The following PACS1 variants were observed in gnomAD, a reference collection of about 807,000 sequenced individuals.
The protein encoded by PACS1 is PACS-1.
PACS1 carries 24 observed loss-of-function variants against 115.0 expected under a neutral mutation model. The observed-to-expected ratio is 0.21, with a 90% CI of 0.15 to 0.29. The LOEUF is 0.29. Ranked by LOEUF, PACS1 falls within the 10% of genes least tolerant of loss-of-function variation. PACS1 has a pLI of 1.00. For synonymous variants in PACS1, 453 were observed against 504.5 expected (o/e 0.90, Z 1.37); for missense variants, 838 against 1,251.2 (o/e 0.67, Z 4.98).
rs144037163 is a variant in PACS1, at chr11:66,240,169, C to T, written c.2429+892C>T. Among the ~76,000 whole-genome samples the T allele has an allele frequency of 4.8e-3, 729 of 152,372 alleles. 5 individuals carry two copies. Among genetic ancestry groups the T allele is most frequent in the African/African-American group, 0.016 (654 of 41,598 alleles). On this transcript the variant is annotated intron_variant, in intron 21 of 23. Transcript: ENST00000320580. ...CCCTGCTGAGGCGCTAGAGCTGGAG[C>T]CGGCGCGGGAGCAAGCGGCGGAGCT... is the stretch of plus-strand genomic sequence containing the variant.
intron 1 of PACS1, among the ~76,000 whole-genome samples, chr11:66,144,619 G>C (rs1859076991): frequency 6.6e-6 from 1 of 152,166 alleles, no homozygotes; most frequent in Admixed American, 6.5e-5. Context: ...AAGACAACTG[G>C]TGTGAAGTAT....
At chr11:66,107,520 G>A (rs1253578482) in intron 1 of PACS1, among the ~76,000 whole-genome samples, 1 of 152,134 alleles carries the variant, frequency 6.6e-6, no homozygotes, top group African/African-American at 2.4e-5. Flanking sequence ...TTTGTTCACT[G>A]TTCTATCCCC....
Position 66,232,176 on chromosome 11 carries a change from C to A in PACS1, c.1631C>A (p.Pro544Gln). 1 of 1,608,444 alleles carries A rather than the reference C, an allele frequency of 6.2e-7. No homozygotes were observed. The highest frequency in any genetic ancestry group is 8.5e-7 in the Non-Finnish European group (1 of 1,174,844). ...CACTTTCTTTTGTTCCTGCAGATTC[C>A]AAGAAAGGTGGTGTATGACCAGCTC... ...SPDLGHSTQI[P>Q]RKVVYDQLNQ... The change falls in exon 14 of 24, where the codon CCA becomes CAA. Residue 544 changes from proline to glutamine, a missense_variant. Pro to Gln is a moderately conservative substitution (Grantham distance 76). This residue lies in a region of PACS1 where 383 missense variants were observed against 537.0 expected (regional missense o/e 0.71). Transcript: ENST00000320580.
chr11:66,213,105 GC>G (rs1264509967), intron 4 of PACS1, among the ~76,000 whole-genome samples: 1 of 152,166 alleles, frequency 6.6e-6, no homozygotes, highest in African/African-American at 2.4e-5. Context: ...CGCTGCTTTG[GC>G]CTCCCAGAGT....
At chr11:66,133,099 C>G (rs375974391) in intron 1 of PACS1, among the ~76,000 whole-genome samples, 31 of 152,274 alleles carry the variant, frequency 2.0e-4, no homozygotes, top group Non-Finnish European at 2.6e-4. Context: ...TTTTCATGCT[C>G]TGTGTGTGCA....
intron 2 of PACS1, among the ~76,000 whole-genome samples, chr11:66,199,206 T>C (rs538219741): frequency 6.6e-6 from 1 of 151,834 alleles, no homozygotes; most frequent in Non-Finnish European, 1.5e-5. Context: ...TCCCAGCTAC[T>C]TGGGAGGCTA....
In PACS1 at chr11:66,073,009, C is replaced by T. The variant is rs191555045; in HGVS notation, c.356+2167C>T. On this transcript the variant is annotated intron_variant, in intron 1 of 23. Transcript: ENST00000320580. ...CCTGATCAAATGTATAATTATTATG[C>T]TAACTTGCTGTGAGAGGCTTAGGCG... is the stretch of plus-strand genomic sequence containing the variant. Among the ~76,000 whole-genome samples the T allele has an allele frequency of 1.2e-4, 18 of 152,336 alleles. No individual in the cohort carries two copies. The East Asian group carries it at 3.1e-3, about 26-fold the overall frequency.
chr11:66,238,720 T>A, intron 19 of PACS1, 84 bp from the exon 20 acceptor site: 1 of 1,227,826 alleles, frequency 8.1e-7, no homozygotes. Context: ...TGATGGCTCT[T>A]GTGCCACCAA....
At position 66,216,051 on chromosome 11, in the gene PACS1, A is replaced by G. The variant is rs548858; in HGVS notation, c.661-68A>G. 0.99 allele frequency: 1,525,666 copies of G among 1,533,554 alleles called. 759,209 individuals carry two copies. Among genetic ancestry groups the G allele is most frequent in the East Asian group, 1 (44,344 of 44,344 alleles). The allele number at this position is 1,533,554 out of a possible 1,614,324, so 95.0% of individuals were successfully genotyped here. On this transcript the variant is annotated intron_variant, in intron 4 of 23. Coordinates refer to ENST00000320580, the MANE Select transcript of PACS1 (RefSeq NM_018026.4). ...TGCTGTTGCCCCTGGGGTCTTGTGC[A>G]TTCCTTGGCTGTGTTTCTCCAGGTG...
intron 1 of PACS1, among the ~76,000 whole-genome samples, chr11:66,190,791 G>C (rs545933733): frequency 6.6e-6 from 1 of 152,346 alleles, no homozygotes; most frequent in East Asian, 1.9e-4. Context: ...AGGCGGTACT[G>C]TGGGCAGTCA....
At chr11:66,202,742 A>AAATATAT (rs1200930188) in intron 2 of PACS1, among the ~76,000 whole-genome samples, 2 of 71,604 alleles carry the variant, frequency 2.8e-5, no homozygotes, top group African/African-American at 7.9e-5. Flanking sequence ...AAAAAAAAAA[A>AAATATAT]ATATATATAT....
At chr11:66,230,352 G>A in intron 11 of PACS1, 196 bp from the exon 12 acceptor site, 1 of 588,612 alleles carries the variant, frequency 1.7e-6, no homozygotes, top group South Asian at 2.0e-5. Context: ...TGCCCACACG[G>A]GGTGTACTCA....
chr11:66,113,106 T>C (rs1421011805), intron 1 of PACS1, among the ~76,000 whole-genome samples: 1 of 152,232 alleles, frequency 6.6e-6, no homozygotes, highest in Non-Finnish European at 1.5e-5. Context: ...TTCTGTATCT[T>C]AAATATGGTG....
chr11:66,072,340 C>A (rs1245623709), intron 1 of PACS1, among the ~76,000 whole-genome samples: 3 of 152,096 alleles, frequency 2.0e-5, no homozygotes, highest in Non-Finnish European at 4.4e-5. Context: ...CACAGTAATG[C>A]ACACATTTCC....
chr11:66,175,889 T>G (rs903350903), intron 1 of PACS1, among the ~76,000 whole-genome samples: 2 of 152,186 alleles, frequency 1.3e-5, no homozygotes, highest in African/African-American at 4.8e-5. Context: ...TCTAAATGTT[T>G]CTCAGATTGA....
At chr11:66,158,465 G>C (rs1332339683) in intron 1 of PACS1, among the ~76,000 whole-genome samples, 1 of 152,180 alleles carries the variant, frequency 6.6e-6, no homozygotes, top group Non-Finnish European at 1.5e-5. Flanking sequence ...TGGGAGGCCA[G>C]TGTTGATGGC....
chr11:66,138,996 A>T (rs1858914511), intron 1 of PACS1, among the ~76,000 whole-genome samples: 1 of 152,010 alleles, frequency 6.6e-6, no homozygotes, highest in Admixed American at 6.6e-5. Flanking sequence ...CTGTATTTTT[A>T]AACAGGTTCC....
intron 1 of PACS1, among the ~76,000 whole-genome samples, chr11:66,135,725 C>G (rs1858825733): frequency 6.6e-6 from 1 of 150,852 alleles, no homozygotes; most frequent in Non-Finnish European, 1.5e-5. Flanking sequence ...GGTGCAATCT[C>G]AACTCAGTGC....
At chr11:66,108,772 AAGAG>A (rs759890864) in intron 1 of PACS1, among the ~76,000 whole-genome samples, 37 of 152,116 alleles carry the variant, frequency 2.4e-4, no homozygotes, top group African/African-American at 5.8e-4. Context: ...CTCAAAAAGA[AAGAG>A]AGAAAGAGAG....
Sources: gnomAD v4.1 joint callset for allele counts (sites outside exome capture counted in the v4.1 genomes callset) on GRCh38, gnomAD v4.1.1 for gene constraint, gnomAD v4.1.1 regional missense constraint, MANE v1.5 for transcripts, NCBI Gene and HGNC (gene_info 2026-07-23, HGNC 2026-07-21) for gene names.